The following RIMS1 variants were observed in gnomAD, a reference collection of about 807,000 sequenced individuals.
The protein encoded by RIMS1 is regulating synaptic membrane exocytosis 1, also known as regulating synaptic membrane exocytosis protein 1.
RIMS1 carries 83 observed loss-of-function variants against 214.1 expected under a neutral mutation model. The ratio of observed to expected loss-of-function variants is 0.39; its 90% CI spans 0.32 to 0.47. The LOEUF (loss-of-function observed/expected upper bound fraction) is 0.47. Ranked by LOEUF, RIMS1 falls within the 20% of genes least tolerant of loss-of-function variation. The pLI, the probability that RIMS1 is intolerant of heterozygous loss-of-function variation, is 0.99. For synonymous variants in RIMS1, 793 were observed against 786.8 expected, an observed-to-expected ratio of 1.01 and a Z score of -0.13; for missense variants, 2,050 against 2,161.8, an observed-to-expected ratio of 0.95 and a Z score of 1.03.
At chr6:72,340,045 G>A (rs1262222698) in intron 29 of RIMS1, among the ~76,000 whole-genome samples, 1 of 151,956 alleles carries the variant, frequency 6.6e-6, no homozygotes, top group African/African-American at 2.4e-5. Flanking sequence ...GTGATGATGA[G>A]CATTTTTTCA....
intron 29 of RIMS1, among the ~76,000 whole-genome samples, chr6:72,345,355 A>G (rs1002407857): frequency 1.3e-5 from 2 of 151,724 alleles, no homozygotes; most frequent in Non-Finnish European, 2.9e-5. Flanking sequence ...TATTGATAAA[A>G]CCATTAGCAA....
At chr6:72,214,451 A>G (rs558567781) in intron 6 of RIMS1, among the ~76,000 whole-genome samples, 50 of 152,256 alleles carry the variant, frequency 3.3e-4, no homozygotes, top group Non-Finnish European at 2.6e-4. Context: ...TTCTTATATC[A>G]AGGCACTTTG....
At chr6:72,038,759 G>T (rs952795105) in intron 2 of RIMS1, among the ~76,000 whole-genome samples, 10 of 152,078 alleles carry the variant, frequency 6.6e-5, no homozygotes, top group Non-Finnish European at 1.3e-4. Context: ...AAATAACAAG[G>T]ATATGTCTCG....
chr6:72,182,879 C>T lies in RIMS1; in HGVS notation c.1408C>T (p.Leu470Phe), dbSNP rs771801671. ...CCCGGAGCTCAAAGCCCAGGAGCCC[C>T]TCAGGAAGCAGAGCCGCCTGGACCC... is the stretch of plus-strand genomic sequence containing the variant. ...EAPELKAQEP[L>F]RKQSRLDPSS... Residue 470 changes from leucine (L) to phenylalanine (F), a missense_variant, in exon 6 of 34, where the codon CTC (leucine) becomes TTC (phenylalanine). Physicochemically the swap from Leu to Phe is conservative, Grantham distance 22 (BLOSUM62 0). This residue lies in a region of RIMS1 where 882 missense variants were observed against 828.9 expected (regional missense o/e 1.06). Coordinates refer to ENST00000521978, the MANE Select transcript of RIMS1 (RefSeq NM_014989.7). The T allele has an allele frequency of 4.2e-5, 65 of 1,564,944 alleles. No individual in the cohort carries two copies. The highest frequency in any genetic ancestry group is 3.3e-4 in the Middle Eastern group (2 of 6,030).
intron 1 of RIMS1, among the ~76,000 whole-genome samples, chr6:71,917,514 G>C (rs796916875): frequency 4.6e-5 from 7 of 152,266 alleles, no homozygotes; most frequent in African/African-American, 1.7e-4. Context: ...AGTTCCATGA[G>C]CCAGGGAGAA....
intron 1 of RIMS1, among the ~76,000 whole-genome samples, chr6:71,893,218 G>A (rs1770519006): frequency 6.6e-6 from 1 of 152,150 alleles, no homozygotes; most frequent in African/African-American, 2.4e-5. Flanking sequence ...ATGCAGTGTT[G>A]CCAGGGTTGC....
At chr6:72,256,103 C>T (rs940047719) in intron 16 of RIMS1, among the ~76,000 whole-genome samples, 1 of 149,188 alleles carries the variant, frequency 6.7e-6, no homozygotes, top group African/African-American at 2.5e-5. Flanking sequence ...ATAACGTAAA[C>T]ATAATGTGAA....
Position 72,265,981 on chromosome 6 carries a change from C to T in RIMS1, c.3330C>T (p.Asp1110=), listed in dbSNP as rs2080346008. ...CTAGTGAACTGCAGCCCTTTCTTGA[C>T]AGGGCTAGGAGTGCTAGTACCAACT... ...ILVSELQPFL[D]RARSASTNCL... The change falls in exon 22 of 34, where the codon GAC becomes GAT. Residue 1110 remains aspartate (D), a synonymous_variant. Coordinates refer to ENST00000521978, the MANE Select transcript of RIMS1 (RefSeq NM_014989.7). The T allele has an allele frequency of 1.9e-6, 3 of 1,579,076 alleles. No individual in the cohort carries two copies. Among genetic ancestry groups the T allele is most frequent in the South Asian group, 1.2e-5 (1 of 85,888 alleles).
At chr6:72,274,082 A>G (rs2084854838) in intron 22 of RIMS1, among the ~76,000 whole-genome samples, 1 of 152,338 alleles carries the variant, frequency 6.6e-6, no homozygotes, top group Middle Eastern at 3.4e-3. Context: ...TTTGGAAGAA[A>G]AAAACTACAC....
chr6:72,146,896 T>C (rs540064526), intron 4 of RIMS1, among the ~76,000 whole-genome samples: 34 of 152,250 alleles, frequency 2.2e-4, no homozygotes, highest in South Asian at 8.3e-4. Context: ...CCTAGTAAGT[T>C]ATTTTAATTA....
chr6:72,193,008 A>G (rs556712629), intron 6 of RIMS1, among the ~76,000 whole-genome samples: 2 of 152,328 alleles, frequency 1.3e-5, no homozygotes, highest in South Asian at 4.1e-4. Context: ...AACCATCACA[A>G]TATGTATATT....
intron 6 of RIMS1, among the ~76,000 whole-genome samples, chr6:72,190,544 T>A (rs1454295423): frequency 6.6e-6 from 1 of 151,776 alleles, no homozygotes; most frequent in Non-Finnish European, 1.5e-5. Flanking sequence ...CCGCCTTCAT[T>A]TGGTGCCTGC....
At chr6:72,101,115 G>C (rs999701000) in intron 4 of RIMS1, among the ~76,000 whole-genome samples, 1 of 151,894 alleles carries the variant, frequency 6.6e-6, no homozygotes, top group Non-Finnish European at 1.5e-5. Flanking sequence ...AGTAAATAAT[G>C]CTGGTGTTTA....
chr6:72,155,500 C>T lies in RIMS1; in HGVS notation c.472-24075C>T, dbSNP rs531669162. Reference sequence around the variant, plus strand: ...AATATACTGTATTAGTCCATTTTCACGCTTCTGATAAAAACATACCCAAGA... The same window carrying T: ...AATATACTGTATTAGTCCATTTTCATGCTTCTGATAAAAACATACCCAAGA... On this transcript the variant is annotated intron_variant, in intron 4 of 33. Transcript: ENST00000521978. 7.1e-5 allele frequency among the ~76,000 whole-genome samples: 10 copies of T among 140,566 alleles called. 2 individuals are homozygous for T. Among genetic ancestry groups the T allele is most frequent in the Non-Finnish European group, 1.6e-4 (10 of 61,958 alleles). 92.2% of individuals were successfully genotyped at this position (140,566 alleles called of 152,430 possible). A position where few individuals can be genotyped will look rare whatever the true frequency, so the allele number is the denominator to read the frequency against.
chr6:72,178,583 A>C (rs2048029658), intron 4 of RIMS1, among the ~76,000 whole-genome samples: 1 of 152,220 alleles, frequency 6.6e-6, no homozygotes, highest in South Asian at 2.1e-4. Flanking sequence ...ACAAACACAA[A>C]ACACCTGAAG....
intron 2 of RIMS1, among the ~76,000 whole-genome samples, chr6:71,997,154 T>G (rs1203947459): frequency 6.6e-6 from 1 of 152,212 alleles, no homozygotes; most frequent in Non-Finnish European, 1.5e-5. Flanking sequence ...AAAGTTCACT[T>G]TCATGTAATT....
intron 6 of RIMS1, among the ~76,000 whole-genome samples, chr6:72,210,643 A>G (rs893574804): frequency 6.6e-6 from 1 of 152,150 alleles, no homozygotes; most frequent in African/African-American, 2.4e-5. Context: ...AGAGTCCCCA[A>G]ATTTAAGGAA....
At chr6:72,247,019 A>G (rs1041632067) in intron 11 of RIMS1, among the ~76,000 whole-genome samples, 3 of 152,196 alleles carry the variant, frequency 2.0e-5, no homozygotes, top group Non-Finnish European at 4.4e-5. Flanking sequence ...TACTCAGGCA[A>G]TGCTTCATAA....
chr6:72,223,179 T>C (rs1225519555), intron 6 of RIMS1, among the ~76,000 whole-genome samples: 2 of 152,196 alleles, frequency 1.3e-5, no homozygotes, highest in Admixed American at 1.3e-4. Context: ...GAGCTCAGAT[T>C]TTGTTCTATT....
Sources: gnomAD v4.1 joint callset for allele counts (sites outside exome capture counted in the v4.1 genomes callset) on GRCh38, gnomAD v4.1.1 for gene constraint, gnomAD v4.1.1 regional missense constraint, MANE v1.5 for transcripts, NCBI Gene and HGNC (gene_info 2026-07-23, HGNC 2026-07-21) for gene names.